RB1: variants seen among roughly 807,000 people sequenced by gnomAD.
The protein encoded by RB1 is retinoblastoma-associated protein.
In RB1, 18 loss-of-function variants were observed where a neutral mutation model predicts 135.4. That is an observed-to-expected ratio of 0.13 (90% CI 0.09 to 0.20). RB1 has a LOEUF of 0.20. RB1 is among the 10% of genes least tolerant of loss of function. The pLI is 1.00. For missense variants in RB1, 868 were observed against 1,110.0 expected, an observed-to-expected ratio of 0.78 and a Z score of 3.10; for synonymous variants, 365 against 373.2, an observed-to-expected ratio of 0.98 and a Z score of 0.25.
intron 9 of RB1, among the ~76,000 whole-genome samples, chr13:48,365,322 G>A (rs1032381488): frequency 3.3e-5 from 5 of 152,098 alleles, no homozygotes; most frequent in South Asian, 2.1e-4. Flanking sequence ...CTCATTAAGC[G>A]TAGGAACCAT....
intron 6 of RB1, among the ~76,000 whole-genome samples, chr13:48,355,218 G>C (rs9568034): frequency 0.21 from 31,872 of 151,814 alleles, 3,487 homozygotes; most frequent in South Asian, 0.26. Context: ...ACAACTCTAT[G>C]GGAAAAAATC....
intron 17 of RB1, among the ~76,000 whole-genome samples, chr13:48,396,298 T>TA (rs1948647828): frequency 6.6e-6 from 1 of 151,770 alleles, no homozygotes; most frequent in Admixed American, 6.6e-5. Context: ...CCAAAAAAGA[T>TA]AAATAAACCA....
rs118120163 is a variant in RB1, at chr13:48,358,605, T to C, written c.608-1412T>C. On this transcript the variant is annotated intron_variant, in intron 6 of 26. Coordinates refer to ENST00000267163, the MANE Select transcript of RB1 (RefSeq NM_000321.3). ...TCTTTTTTCTATAGCAGGATTGTTT[T>C]GGGATTCAAATTGTCCCCAGTTCAA... Among the ~76,000 whole-genome samples the C allele has an allele frequency of 5.5e-3, 844 of 152,294 alleles. 5 individuals carry two copies. Among genetic ancestry groups the C allele is most frequent in the Middle Eastern group, 0.01 (3 of 294 alleles).
intron 17 of RB1, among the ~76,000 whole-genome samples, chr13:48,451,499 G>T (rs1331178767): frequency 6.6e-6 from 1 of 152,052 alleles, no homozygotes; most frequent in Non-Finnish European, 1.5e-5. Context: ...AAGCTTTTTG[G>T]TGTGTGCTGG....
chr13:48,473,971 C>T (rs893474398), intron 24 of RB1, among the ~76,000 whole-genome samples: 2 of 152,102 alleles, frequency 1.3e-5, no homozygotes, highest in Non-Finnish European at 1.5e-5. Context: ...GAACTACTCA[C>T]AAAACTCTGG....
chr13:48,401,788 C>CA (rs1473397250), intron 17 of RB1, among the ~76,000 whole-genome samples: 1 of 152,040 alleles, frequency 6.6e-6, no homozygotes, highest in African/African-American at 2.4e-5. Context: ...TTAGCCTTTT[C>CA]AAAAAAGCCT....
chr13:48,322,812 T>TGA (rs1223538947), intron 2 of RB1, among the ~76,000 whole-genome samples: 2 of 152,192 alleles, frequency 1.3e-5, no homozygotes, highest in African/African-American at 4.8e-5. Context: ...AATGGTGTAG[T>TGA]ATATTAGTTG....
chr13:48,410,208 C>T (rs1948781172), intron 17 of RB1, among the ~76,000 whole-genome samples: 1 of 152,064 alleles, frequency 6.6e-6, no homozygotes, highest in Non-Finnish European at 1.5e-5. Context: ...GGTCAATGAC[C>T]GCATAAACGA....
intron 17 of RB1, among the ~76,000 whole-genome samples, chr13:48,440,540 A>C (rs998326057): frequency 6.6e-6 from 1 of 152,166 alleles, no homozygotes; most frequent in African/African-American, 2.4e-5. Flanking sequence ...GTTGAAATTT[A>C]GTATTTGGCT....
intron 3 of RB1, 111 bp downstream of exon 3, chr13:48,342,825 C>A: frequency 1.3e-6 from 1 of 753,400 alleles, no homozygotes; most frequent in Non-Finnish European, 2.2e-6. Context: ...TAAAGTAAAA[C>A]AAAAAGAACT....
chr13:48,472,073 G>T (rs1337805458), intron 23 of RB1, among the ~76,000 whole-genome samples: 2 of 152,150 alleles, frequency 1.3e-5, no homozygotes, highest in Non-Finnish European at 2.9e-5. Flanking sequence ...AAGTGCTTCA[G>T]TTGACTAATT....
intron 17 of RB1, among the ~76,000 whole-genome samples, chr13:48,448,594 C>T (rs1949305404): frequency 6.6e-6 from 1 of 152,188 alleles, no homozygotes; most frequent in African/African-American, 2.4e-5. Context: ...TTTTTATTCA[C>T]AGCTTATCAA....
intron 2 of RB1, among the ~76,000 whole-genome samples, chr13:48,314,778 G>GAAA (rs1337202727): frequency 1.0e-5 from 1 of 97,756 alleles, no homozygotes; most frequent in Non-Finnish European, 2.6e-5. Flanking sequence ...TCCAGCCTGG[G>GAAA]CAAAAAAAAA....
chr13:48,460,730 G>A (rs1566236218), intron 20 of RB1, among the ~76,000 whole-genome samples: 1 of 152,182 alleles, frequency 6.6e-6, no homozygotes, highest in Non-Finnish European at 1.5e-5. Flanking sequence ...GGAGGCTGAG[G>A]TGGGCAGATC....
At chr13:48,459,925 C>CT (rs879180611) in intron 20 of RB1, 92 bp downstream of exon 20, 20 of 489,692 alleles carry the variant, frequency 4.1e-5, no homozygotes, top group Middle Eastern at 3.7e-4. Context: ...TTCTTTCTTT[C>CT]TTTCTTTCTT....
At chr13:48,307,952 G>C (rs1213840465) in intron 2 of RB1, among the ~76,000 whole-genome samples, 7 of 151,080 alleles carry the variant, frequency 4.6e-5, no homozygotes, top group Non-Finnish European at 7.4e-5. Context: ...TATTCACTAT[G>C]ATACAAGGAC....
At position 48,420,047 on chromosome 13, in the gene RB1, A is replaced by C. The variant is rs151289919; in HGVS notation, c.1696-32946A>C. On this transcript the variant is annotated intron_variant, in intron 17 of 26. Coordinates refer to ENST00000267163, the MANE Select transcript of RB1 (RefSeq NM_000321.3). ...TCCTTAACTCATTTTATAAGCCAAG[A>C]ATCATCCTGATACCATAACCTGCCA... Among the ~76,000 whole-genome samples, 847 of 152,264 alleles carry C rather than the reference A, an allele frequency of 5.6e-3. 5 individuals carry two copies. The highest frequency in any genetic ancestry group is 0.01 in the Middle Eastern group (3 of 294).
intron 17 of RB1, among the ~76,000 whole-genome samples, chr13:48,409,570 A>ATTTTTTT (rs5803435): frequency 3.4e-5 from 2 of 59,694 alleles, no homozygotes; most frequent in African/African-American, 6.5e-5. Context: ...GAACTGCTTG[A>ATTTTTTT]TTTTTTTTTT....
intron 13 of RB1, among the ~76,000 whole-genome samples, chr13:48,378,241 A>G (rs1386608917): frequency 1.3e-5 from 2 of 152,176 alleles, no homozygotes; most frequent in Non-Finnish European, 2.9e-5. Flanking sequence ...TCAGTTTGTA[A>G]GAAACTTTTG....
Sources: allele counts gnomAD v4.1 joint callset (sites outside exome capture counted in the v4.1 genomes callset), GRCh38; gene constraint gnomAD v4.1.1; transcripts MANE v1.5; gene names NCBI Gene and HGNC (gene_info 2026-07-23, HGNC 2026-07-21).